Variants in RNF214 observed in about 807,000 individuals in gnomAD.
RNF214 encodes ring finger protein 214.
RNF214 carries 25 observed loss-of-function variants against 75.9 expected under a neutral mutation model. The observed-to-expected ratio is 0.33, with a 90% confidence interval of 0.24 to 0.46. The LOEUF is 0.46. Among genes scored for constraint, RNF214 ranks in the 20% least tolerant of loss-of-function variants. RNF214 has a pLI of 1.00. For missense variants in RNF214, 725 were observed against 857.5 expected (o/e 0.85, Z 1.93); for synonymous variants, 314 against 308.8 (o/e 1.02, Z -0.18).
intron 8 of RNF214, among the ~76,000 whole-genome samples, chr11:117,280,977 T>G (rs968821472): frequency 1.5e-5 from 2 of 137,660 alleles, no homozygotes; most frequent in Admixed American, 1.6e-4. Context: ...GAATTAGGAA[T>G]AGGGCTTTTT....
rs187103549 is a variant in RNF214 at position 117,247,867 on chromosome 11, A to C, written c.959+919A>C. Among the ~76,000 whole-genome samples the C allele has an allele frequency of 7.9e-3, 1,199 of 151,890 alleles. 7 individuals carry two copies. Among genetic ancestry groups the C allele is most frequent in the African/African-American group, 0.012 (491 of 41,468 alleles). On this transcript the variant is annotated intron_variant, in intron 6 of 14. Transcript: ENST00000300650. ...GTGAGACCCTGTCTCAAAAAAAAAAAAAAACAAAACAAAAAAAAACAAAGT... is the reference window on the plus strand; with the variant it reads ...GTGAGACCCTGTCTCAAAAAAAAAACAAAACAAAACAAAAAAAAACAAAGT...
At chr11:117,251,118 C>T (rs1456328266) in intron 6 of RNF214, among the ~76,000 whole-genome samples, 7 of 150,536 alleles carry the variant, frequency 4.7e-5, no homozygotes, top group South Asian at 4.2e-4. Flanking sequence ...CCGTTCTCAA[C>T]GAGCTGTTGG....
intron 6 of RNF214, among the ~76,000 whole-genome samples, chr11:117,276,195 A>G (rs1387350434): frequency 1.3e-5 from 2 of 152,174 alleles, no homozygotes; most frequent in African/African-American, 4.8e-5. Flanking sequence ...CTTTGTGGTA[A>G]AAAAAACCCT....
At chr11:117,257,573 T>C (rs2033554118) in intron 6 of RNF214, among the ~76,000 whole-genome samples, 1 of 152,190 alleles carries the variant, frequency 6.6e-6, no homozygotes, top group South Asian at 2.1e-4. Context: ...TGCTCTGTCT[T>C]GATTGAGAGT....
chr11:117,238,596 G>C lies in RNF214; in HGVS notation c.108-5G>C, dbSNP rs2032978168. Reference sequence around the variant, plus strand: ...ACTTTTCTTTTTATCTTGTGTGTTTGATAGCACCAAAGACTCTGCACAGAA... The same window carrying C: ...ACTTTTCTTTTTATCTTGTGTGTTTCATAGCACCAAAGACTCTGCACAGAA... On this transcript the variant is annotated splice_region_variant and splice_polypyrimidine_tract_variant and intron_variant, in intron 2 of 14. Coordinates refer to ENST00000300650, the MANE Select transcript of RNF214 (RefSeq NM_207343.4). 6.2e-7 allele frequency: 1 copy of C among 1,600,114 alleles called. No homozygotes were observed. Among genetic ancestry groups the C allele is most frequent in the Admixed American group, 1.7e-5 (1 of 57,584 alleles).
chr11:117,264,673 T>G (rs917880561), intron 6 of RNF214, among the ~76,000 whole-genome samples: 1 of 152,200 alleles, frequency 6.6e-6, no homozygotes, highest in African/African-American at 2.4e-5. Flanking sequence ...GATATTGCTA[T>G]AGACACTGCA....
At chr11:117,247,212 G>A (rs991675268) in intron 6 of RNF214, among the ~76,000 whole-genome samples, 14 of 152,134 alleles carry the variant, frequency 9.2e-5, no homozygotes, top group African/African-American at 3.4e-4. Context: ...GATACGGGCT[G>A]GACGTAGCGG....
chr11:117,243,005 G>A (rs2033120012), intron 4 of RNF214, among the ~76,000 whole-genome samples: 1 of 152,160 alleles, frequency 6.6e-6, no homozygotes, highest in African/African-American at 2.4e-5. Context: ...TAGAAGCCAG[G>A]TTCAGAATCC....
intron 6 of RNF214, among the ~76,000 whole-genome samples, chr11:117,257,420 A>T (rs879548314): frequency 6.6e-6 from 1 of 152,244 alleles, no homozygotes; most frequent in Non-Finnish European, 1.5e-5. Flanking sequence ...TTATTTTGAG[A>T]AACAAAACAG....
intron 2 of RNF214, among the ~76,000 whole-genome samples, chr11:117,236,890 A>C (rs2032926335): frequency 6.6e-6 from 1 of 152,210 alleles, no homozygotes; most frequent in Non-Finnish European, 1.5e-5. Context: ...ATCTCATGTA[A>C]TCCTCACAAC....
intron 4 of RNF214, among the ~76,000 whole-genome samples, chr11:117,242,046 C>T (rs1267887623): frequency 1.3e-5 from 2 of 151,866 alleles, no homozygotes; most frequent in Admixed American, 1.3e-4. Flanking sequence ...GTATTATTTA[C>T]TTGTGTCTTT....
chr11:117,258,279 G>T (rs1322961537), intron 6 of RNF214, among the ~76,000 whole-genome samples: 1 of 152,022 alleles, frequency 6.6e-6, no homozygotes, highest in Non-Finnish European at 1.5e-5. Context: ...ATGTTGGCCA[G>T]GATGGTCTCA....
rs55955616 is a variant in RNF214, at chr11:117,245,129, G to A, written c.819+544G>A. On this transcript the variant is annotated intron_variant, in intron 5 of 14. Transcript: ENST00000300650. Reference sequence around the variant, plus strand: ...GGTCCAGGAGTTCGAACCAGCCTGGGCAACATGGCAAAATCCCATCTTTAC... The same window carrying A: ...GGTCCAGGAGTTCGAACCAGCCTGGACAACATGGCAAAATCCCATCTTTAC... 3.3e-5 allele frequency among the ~76,000 whole-genome samples: 5 copies of A among 150,406 alleles called. No homozygotes were observed. In the South Asian group the frequency reaches 1.1e-3, roughly 33 times the overall value.
intron 10 of RNF214, 90 bp downstream of exon 10, chr11:117,281,788 G>T: frequency 1.3e-6 from 2 of 1,510,620 alleles, no homozygotes; most frequent in Non-Finnish European, 1.8e-6. Context: ...AAGATATTGG[G>T]ACCATCCCTA....
rs188834389 is a variant in RNF214, at chr11:117,268,913, G to A, written c.960-10995G>A. Among the ~76,000 whole-genome samples, 47 of 152,208 alleles carry A rather than the reference G, an allele frequency of 3.1e-4. No individual in the cohort carries two copies. In the East Asian group the frequency reaches 8.9e-3, roughly 29 times the overall value. ...AAAGCGTTCTCTTTGCCCTCTAAAA[G>A]TTCACTAAAAATTAACTGACAGAAG... is the stretch of plus-strand genomic sequence containing the variant. On this transcript the variant is annotated intron_variant, in intron 6 of 14. Coordinates refer to ENST00000300650, the MANE Select transcript of RNF214 (RefSeq NM_207343.4).
chr11:117,272,595 A>C (rs1364894880), intron 6 of RNF214, among the ~76,000 whole-genome samples: 5 of 152,100 alleles, frequency 3.3e-5, no homozygotes, highest in African/African-American at 1.2e-4. Context: ...TCCGGAACTT[A>C]AAGTAAAATT....
chr11:117,239,916 A>G, intron 4 of RNF214, 56 bp downstream of exon 4: 1 of 930,654 alleles, frequency 1.1e-6, no homozygotes, highest in Non-Finnish European at 1.7e-6. Context: ...GAAGATCTAG[A>G]GGCATATCAT....
chr11:117,256,125 T>A (rs2033514605), intron 6 of RNF214, among the ~76,000 whole-genome samples: 1 of 152,068 alleles, frequency 6.6e-6, no homozygotes. Context: ...CCAGACACTC[T>A]CCCTCCCTCC....
intron 6 of RNF214, among the ~76,000 whole-genome samples, chr11:117,266,615 C>G (rs1198288560): frequency 6.6e-6 from 1 of 152,112 alleles, no homozygotes; most frequent in Non-Finnish European, 1.5e-5. Context: ...CTTTGTTGGC[C>G]TCCCAAAGCG....
Sources: allele counts gnomAD v4.1 joint callset (sites outside exome capture counted in the v4.1 genomes callset), GRCh38; gene constraint gnomAD v4.1.1; transcripts MANE v1.5; gene names NCBI Gene and HGNC (gene_info 2026-07-23, HGNC 2026-07-21).